The following DNM1L variants were observed in gnomAD, a reference collection of about 807,000 sequenced individuals.
DNM1L encodes dynamin 1L, also known as dynamin-1-like protein.
DNM1L carries 33 observed loss-of-function variants against 92.8 expected under a neutral mutation model. That is an observed-to-expected ratio of 0.36 (90% CI 0.27 to 0.48). The LOEUF is 0.48. Among genes scored for constraint, DNM1L ranks in the 20% least tolerant of loss-of-function variants. DNM1L has a pLI of 0.99. For missense variants in DNM1L, 485 were observed against 888.8 expected, an observed-to-expected ratio of 0.55 and a Z score of 5.78; for synonymous variants, 284 against 305.0, an observed-to-expected ratio of 0.93 and a Z score of 0.72.
At chr12:32,742,892 T>A in intron 19 of DNM1L, 144 bp downstream of exon 19, 13 of 553,342 alleles carry the variant, frequency 2.3e-5, no homozygotes, top group East Asian at 5.9e-5. Context: ...AAGAATCTTT[T>A]TTTTTTTTTT....
At chr12:32,696,363 C>T (rs1393890252) in intron 1 of DNM1L, among the ~76,000 whole-genome samples, 1 of 137,566 alleles carries the variant, frequency 7.3e-6, no homozygotes, top group Non-Finnish European at 1.6e-5. Flanking sequence ...ATAGTGAGAC[C>T]CTGTCTACAC....
rs781114918 is a variant in DNM1L at position 32,740,056 on chromosome 12, T to A, written c.1708-8T>A. 6.2e-7 allele frequency: 1 copy of A among 1,613,978 alleles called. No homozygotes were observed. The highest frequency in any genetic ancestry group is 1.3e-5 in the African/African-American group (1 of 74,860). ...GTGGTTGGTATGTTTTGGAACATGT[T>A]TTTTCAGGTTGCATCTGGAGGTGGT... On this transcript the variant is annotated splice_region_variant and splice_polypyrimidine_tract_variant and intron_variant, in intron 16 of 19. Transcript: ENST00000549701.
At chr12:32,711,528 C>A (rs192753258) in intron 5 of DNM1L, among the ~76,000 whole-genome samples, 3 of 152,032 alleles carry the variant, frequency 2.0e-5, no homozygotes, top group Non-Finnish European at 4.4e-5. Context: ...CTTCCCCCAT[C>A]GCAATAAATG....
chr12:32,731,753 C>G lies in DNM1L; in HGVS notation c.1357-101C>G. On this transcript the variant is annotated intron_variant, in intron 11 of 19. Coordinates refer to ENST00000549701, the MANE Select transcript of DNM1L (RefSeq NM_012062.5). The surrounding 1 kb of genome is among the most constrained non-coding windows in gnomAD (Gnocchi z 5.1). ...GCATGGTGGCTTCTACATGTAGTCTCAGCTACTTGGGAGGCTAAGGTGGGA... is the reference window on the plus strand; with the variant it reads ...GCATGGTGGCTTCTACATGTAGTCTGAGCTACTTGGGAGGCTAAGGTGGGA... 1 of 1,072,958 alleles carries G rather than the reference C, an allele frequency of 9.3e-7. No individual in the cohort carries two copies. The highest frequency in any genetic ancestry group is 1.3e-5 in the South Asian group (1 of 75,952). 66.5% of individuals were successfully genotyped at this position (1,072,958 alleles called of 1,614,324 possible). A position where few individuals can be genotyped will look rare whatever the true frequency, so the allele number is the denominator to read the frequency against.
At chr12:32,734,330 AT>A (rs367559305) in intron 13 of DNM1L, among the ~76,000 whole-genome samples, 1 of 151,962 alleles carries the variant, frequency 6.6e-6, no homozygotes, top group African/African-American at 2.4e-5. Context: ...TCCAGAAGCC[AT>A]TTTTTTTCTC....
chr12:32,691,644 A>C (rs1952240256), intron 1 of DNM1L, among the ~76,000 whole-genome samples: 1 of 152,180 alleles, frequency 6.6e-6, no homozygotes. Context: ...AATTTTGGGA[A>C]GACACAATTA....
intron 1 of DNM1L, among the ~76,000 whole-genome samples, chr12:32,688,817 T>C (rs370886143): frequency 2.6e-5 from 4 of 152,226 alleles, no homozygotes; most frequent in Admixed American, 2.0e-4. Context: ...CCTATAGTTT[T>C]ATAACCAAGA....
At chr12:32,701,997 A>G (rs1952721256) in intron 2 of DNM1L, among the ~76,000 whole-genome samples, 1 of 148,354 alleles carries the variant, frequency 6.7e-6, no homozygotes, top group South Asian at 2.2e-4. Context: ...CAAAGTGCTG[A>G]TCACAAGGCG....
chr12:32,732,973 G>A (rs1431076832), intron 12 of DNM1L, among the ~76,000 whole-genome samples: 1 of 152,186 alleles, frequency 6.6e-6, no homozygotes, highest in Non-Finnish European at 1.5e-5. Flanking sequence ...GTGCATGCCT[G>A]TAATCCCAGC....
intron 1 of DNM1L, among the ~76,000 whole-genome samples, chr12:32,697,892 AAAG>A (rs1396926476): frequency 2.0e-5 from 3 of 152,250 alleles, no homozygotes; most frequent in Non-Finnish European, 4.4e-5. Context: ...TCTCATAAAA[AAAG>A]AACGTAAAAT....
rs1955573602 is a variant in DNM1L, at chr12:32,745,163, CGTTT to C, written c.*1757_*1760del. The C allele has an allele frequency of 1.0e-5, 3 of 291,790 alleles. No individual in the cohort carries two copies. The highest frequency in any genetic ancestry group is 2.0e-5 in the Non-Finnish European group (3 of 148,938). 18.1% of individuals were successfully genotyped at this position (291,790 alleles called of 1,614,324 possible). A position where few individuals can be genotyped will look rare whatever the true frequency, so the allele number is the denominator to read the frequency against. The stretch of plus-strand genomic sequence containing the variant: ...TGACAGAGGATACATGCTCCCAAAA[CGTTT>C]GTTACCACACTTAAAAATCACTGCC... On this transcript the variant is annotated 3_prime_UTR_variant, in exon 20 of 20. Coordinates refer to ENST00000549701, the MANE Select transcript of DNM1L (RefSeq NM_012062.5).
Position 32,742,636 on chromosome 12 carries a change from C to T in DNM1L, c.2042C>T (p.Thr681Ile). The change falls in exon 19 of 20, where the codon ACT becomes ATT. Residue 681 changes from threonine to isoleucine, a missense_variant. By Grantham distance (89) the Thr-to-Ile change is moderately conservative (BLOSUM62 -1). Coordinates refer to ENST00000549701, the MANE Select transcript of DNM1L (RefSeq NM_012062.5). ...MHFLVNHVKD[T>I]LQSELVGQLY... The stretch of plus-strand genomic sequence containing the variant: ...TTTTTGGTTAATCATGTGAAAGACA[C>T]TCTTCAGAGTGAGCTAGTAGGCCAG... The T allele has an allele frequency of 1.2e-6, 2 of 1,614,118 alleles. No homozygotes were observed. The highest frequency in any genetic ancestry group is 1.7e-6 in the Non-Finnish European group (2 of 1,180,026).
intron 1 of DNM1L, among the ~76,000 whole-genome samples, chr12:32,697,470 T>G (rs1012580892): frequency 6.6e-6 from 1 of 152,226 alleles, no homozygotes; most frequent in Admixed American, 6.5e-5. Flanking sequence ...TTTAAAAAAC[T>G]ACTTTCAGTA....
At chr12:32,716,049 A>C (rs1953349547) in intron 6 of DNM1L, among the ~76,000 whole-genome samples, 1 of 152,220 alleles carries the variant, frequency 6.6e-6, no homozygotes, top group Non-Finnish European at 1.5e-5. Flanking sequence ...ATACAATGGG[A>C]CACTACTCTG....
At chr12:32,679,730 G>T (rs1292212168) in intron 1 of DNM1L, 3 of 1,168,004 alleles carry the variant, frequency 2.6e-6, no homozygotes, top group Non-Finnish European at 1.1e-6. Context: ...GCGGGTCCCG[G>T]GGACAGGAGA....
chr12:32,705,904 A>G, intron 2 of DNM1L: 1 of 1,563,922 alleles, frequency 6.4e-7, no homozygotes, highest in East Asian at 2.2e-5. Context: ...TTTTTCTCTT[A>G]TGCCTGCATG....
chr12:32,731,850 G>A lies in DNM1L; in HGVS notation c.1357-4G>A. The A allele has an allele frequency of 6.2e-7, 1 of 1,605,912 alleles. No homozygotes were observed. Among genetic ancestry groups the A allele is most frequent in the Non-Finnish European group, 8.5e-7 (1 of 1,173,504 alleles). On this transcript the variant is annotated splice_region_variant and splice_polypyrimidine_tract_variant and intron_variant, in intron 11 of 19. Coordinates refer to ENST00000549701, the MANE Select transcript of DNM1L (RefSeq NM_012062.5). This position sits in a 1 kb window ranked among gnomAD's most constrained non-coding sequence, Gnocchi z 5.1. ...CACGTTTTTCTTTCATCTACCATTTGTAGGAATTGTTACGATTTCCTAAAC... is the reference window on the plus strand; with the variant it reads ...CACGTTTTTCTTTCATCTACCATTTATAGGAATTGTTACGATTTCCTAAAC...
rs1439167261 is a variant in DNM1L, at chr12:32,726,807, C to A, written c.1079+4174C>A. 70 of 620,442 alleles carry A rather than the reference C, an allele frequency of 1.1e-4. 1 individual carries two copies. Among genetic ancestry groups the A allele is most frequent in the Non-Finnish European group, 8.5e-5 (29 of 340,938 alleles). 38.4% of individuals were successfully genotyped at this position (620,442 alleles called of 1,614,324 possible). A position where few individuals can be genotyped will look rare whatever the true frequency, so the allele number is the denominator to read the frequency against. ...CCCTGTACAACCCATAATTTCTTGT[C>A]CATCAAAGGAAAAGTGATCAGAATC... On this transcript the variant is annotated intron_variant, in intron 9 of 19. Coordinates refer to ENST00000549701, the MANE Select transcript of DNM1L (RefSeq NM_012062.5).
chr12:32,726,725 C>A, intron 9 of DNM1L: 1 of 630,740 alleles, frequency 1.6e-6, no homozygotes, highest in Non-Finnish European at 2.9e-6. Context: ...AGTGTTTCTG[C>A]TGCTGCTTAA....
Sources: gnomAD v4.1 joint callset for allele counts (sites outside exome capture counted in the v4.1 genomes callset) on GRCh38, gnomAD v4.1.1 for gene constraint, Gnocchi (gnomAD v3.1) non-coding constraint, MANE v1.5 for transcripts, NCBI Gene and HGNC (gene_info 2026-07-23, HGNC 2026-07-21) for gene names.